Variants in ABTB2 observed in about 807,000 individuals in gnomAD.
ABTB2 encodes ankyrin repeat and BTB domain containing 2.
Under a neutral mutation model 104.1 loss-of-function variants are expected in ABTB2, and 56 were observed. The observed-to-expected ratio is 0.54, with a 90% CI of 0.43 to 0.67. ABTB2 has a LOEUF of 0.67. Ranked by LOEUF, ABTB2 falls within the 30% of genes least tolerant of loss-of-function variation. The probability of loss-of-function intolerance (pLI) is 0.00; values close to 1 mark genes in which losing one functional copy is unlikely to be tolerated. For synonymous variants in ABTB2, 606 were observed against 608.2 expected (o/e 1.00, Z 0.05); for missense variants, 1,279 against 1,407.7 (o/e 0.91, Z 1.46).
At chr11:34,353,455 T>C (rs1164036754) in intron 1 of ABTB2, among the ~76,000 whole-genome samples, 1 of 152,222 alleles carries the variant, frequency 6.6e-6, no homozygotes, top group Non-Finnish European at 1.5e-5. Context: ...TGTTTATAAA[T>C]ACTGCTCTAT....
At chr11:34,295,006 G>A (rs547151393) in intron 1 of ABTB2, among the ~76,000 whole-genome samples, 2 of 151,878 alleles carry the variant, frequency 1.3e-5, no homozygotes, top group East Asian at 1.9e-4. Flanking sequence ...GAGCCACCAC[G>A]CCGGGCCTCT....
At chr11:34,165,207 T>TG (rs1334940199) in intron 8 of ABTB2, 53 bp downstream of exon 8, 4 of 1,478,102 alleles carry the variant, frequency 2.7e-6, no homozygotes, top group Non-Finnish European at 3.6e-6. Context: ...CTGGCCAGGC[T>TG]GGGGGGCACT....
At chr11:34,263,850 C>T (rs1854216965) in intron 1 of ABTB2, among the ~76,000 whole-genome samples, 1 of 152,202 alleles carries the variant, frequency 6.6e-6, no homozygotes, top group South Asian at 2.1e-4. Flanking sequence ...TCAGGCCCGA[C>T]CCCAGTCCCC....
intron 1 of ABTB2, among the ~76,000 whole-genome samples, chr11:34,205,779 G>A (rs1398162782): frequency 1.3e-5 from 2 of 152,174 alleles, no homozygotes; most frequent in Non-Finnish European, 2.9e-5. Flanking sequence ...ACAGCAGACA[G>A]GGCTTTGGAG....
intron 2 of ABTB2, 35 bp from the exon 3 acceptor site, chr11:34,197,573 A>AG: frequency 7.1e-7 from 1 of 1,402,190 alleles, no homozygotes; most frequent in South Asian, 1.3e-5. Flanking sequence ...GGGGAGGAAG[A>AG]GAAAAAAAGA....
At chr11:34,313,816 C>T (rs1590252590) in intron 1 of ABTB2, among the ~76,000 whole-genome samples, 1 of 152,280 alleles carries the variant, frequency 6.6e-6, no homozygotes, top group East Asian at 1.9e-4. Context: ...TCACTATGTC[C>T]AACTATTATT....
intron 3 of ABTB2, among the ~76,000 whole-genome samples, chr11:34,174,338 A>G (rs938690769): frequency 2.0e-5 from 3 of 149,080 alleles, no homozygotes; most frequent in Non-Finnish European, 4.5e-5. Context: ...AAAAAAAAAA[A>G]AAAAAAAAAA....
chr11:34,197,935 T>C (rs1381699827), intron 2 of ABTB2, among the ~76,000 whole-genome samples: 2 of 152,192 alleles, frequency 1.3e-5, no homozygotes, highest in Non-Finnish European at 2.9e-5. Flanking sequence ...AATTCTCCCC[T>C]GCACTGTCTT....
intron 3 of ABTB2, among the ~76,000 whole-genome samples, chr11:34,184,756 C>T (rs1056633391): frequency 1.3e-5 from 2 of 152,272 alleles, no homozygotes; most frequent in African/African-American, 2.4e-5. Context: ...GGCATCTCTC[C>T]ACCTCATTGG....
intron 7 of ABTB2, 37 bp downstream of exon 7, chr11:34,167,219 GTAA>G (rs1292165366): frequency 1.3e-6 from 2 of 1,553,298 alleles, no homozygotes; most frequent in Non-Finnish European, 1.8e-6. Flanking sequence ...AGGTCACCTG[GTAA>G]GCTGGGGGGC....
At chr11:34,301,235 A>G (rs1318878220) in intron 1 of ABTB2, among the ~76,000 whole-genome samples, 2 of 152,162 alleles carry the variant, frequency 1.3e-5, no homozygotes, top group Non-Finnish European at 2.9e-5. Context: ...AGCTGCCCAC[A>G]TGCTTCTAAA....
rs138986998 is a variant in ABTB2, at chr11:34,187,992, C to CATA, written c.1244+9332_1244+9333insTAT. ...TGGCCTTCACGCAGGCTTATGGTAA[C>CATA]AGTGATTATTCTGATAATAGCAGCT... On this transcript the variant is annotated intron_variant, in intron 3 of 16. Transcript: ENST00000435224. 8.3e-3 allele frequency among the ~76,000 whole-genome samples: 1,261 copies of CATA among 152,336 alleles called. 9 individuals carry two copies. Among genetic ancestry groups the CATA allele is most frequent in the Non-Finnish European group, 0.013 (895 of 68,038 alleles).
rs557790347 is a variant in ABTB2 at position 34,224,876 on chromosome 11, G to A, written c.884-20186C>T. Among the ~76,000 whole-genome samples the A allele has an allele frequency of 9.2e-5, 14 of 152,210 alleles. No homozygotes were observed. The South Asian group carries it at 2.9e-3, about 32-fold the overall frequency. ...GATAGTGGTAATCTTTTTTAACGAG[G>A]CTTTTGGCTAAGGAAGGGCAAAAAC... is the stretch of plus-strand genomic sequence containing the variant. On this transcript the variant is annotated intron_variant, in intron 1 of 16. Coordinates refer to ENST00000435224, the MANE Select transcript of ABTB2 (RefSeq NM_145804.3).
chr11:34,164,123 C>CCAGCCCCGCTTTTCCAGCCCCGCTTTTT (rs1852762838), intron 9 of ABTB2, among the ~76,000 whole-genome samples: 2 of 152,120 alleles, frequency 1.3e-5, no homozygotes, highest in African/African-American at 2.4e-5. Context: ...CCCCGCTTTT[C>CCAGCCCCGCTTTTCCAGCCCCGCTTTTT]CAGCCCCGTT....
At chr11:34,317,989 G>A (rs946381385) in intron 1 of ABTB2, among the ~76,000 whole-genome samples, 4 of 133,812 alleles carry the variant, frequency 3.0e-5, no homozygotes, top group Admixed American at 2.5e-4. Context: ...TTGAGACATA[G>A]CCTCGCTCTG....
At chr11:34,227,848 C>T (rs1184445104) in intron 1 of ABTB2, among the ~76,000 whole-genome samples, 1 of 151,168 alleles carries the variant, frequency 6.6e-6, no homozygotes, top group East Asian at 1.9e-4. Flanking sequence ...AATTCTCCTG[C>T]CTCAGCCACC....
chr11:34,294,182 A>G (rs143483501), intron 1 of ABTB2, among the ~76,000 whole-genome samples: 30 of 152,258 alleles, frequency 2.0e-4, no homozygotes, highest in African/African-American at 7.0e-4. Context: ...AAATTTAAAA[A>G]GTTAGCCAGG....
chr11:34,308,369 AACAG>A (rs1224755161), intron 1 of ABTB2, among the ~76,000 whole-genome samples: 304 of 152,378 alleles, frequency 2.0e-3, no homozygotes, highest in African/African-American at 6.6e-3. Context: ...AATGACAGCT[AACAG>A]CATTAGAAGG....
intron 1 of ABTB2, among the ~76,000 whole-genome samples, chr11:34,212,927 G>A (rs1484770802): frequency 1.3e-5 from 2 of 152,174 alleles, no homozygotes; most frequent in Non-Finnish European, 2.9e-5. Flanking sequence ...CCCAGGGGGA[G>A]ATAAAAGGCT....
Sources: gnomAD v4.1 joint callset for allele counts (sites outside exome capture counted in the v4.1 genomes callset) on GRCh38, gnomAD v4.1.1 for gene constraint, MANE v1.5 for transcripts, NCBI Gene and HGNC (gene_info 2026-07-23, HGNC 2026-07-21) for gene names.